ATP6V1E1: variants seen among roughly 807,000 people sequenced by gnomAD.
The protein encoded by ATP6V1E1 is V-type proton ATPase subunit E 1.
ATP6V1E1 carries 21 observed loss-of-function variants against 35.2 expected under a neutral mutation model. The ratio of observed to expected loss-of-function variants is 0.60; its 90% CI spans 0.42 to 0.86. The LOEUF (loss-of-function observed/expected upper bound fraction) is 0.86. Ranked by LOEUF, ATP6V1E1 falls within the 40% of genes least tolerant of loss-of-function variation. The probability of loss-of-function intolerance (pLI) is 0.00; values close to 1 mark genes in which losing one functional copy is unlikely to be tolerated. For missense variants in ATP6V1E1, 183 were observed against 272.6 expected, an observed-to-expected ratio of 0.67 and a Z score of 2.32; for synonymous variants, 83 against 87.8, an observed-to-expected ratio of 0.95 and a Z score of 0.30.
At position 17,618,681 on chromosome 22, in the gene ATP6V1E1, CAAAAAAA is replaced by C. The variant is rs796136446; in HGVS notation, c.99+773_99+779del. ...TGGGCGACAGAGCGAGACTCCATCT[CAAAAAAA>C]AAAAAAAAAAAAAAAAAGTAAATAA... On this transcript the variant is annotated intron_variant, in intron 2 of 8. Transcript: ENST00000253413. 1.1e-3 allele frequency among the ~76,000 whole-genome samples: 82 copies of C among 72,424 alleles called. 2 individuals are homozygous for C. The highest frequency in any genetic ancestry group is 7.2e-3 in the Middle Eastern group (1 of 138). The allele number at this position is 72,424 out of a possible 152,430, so 47.5% of individuals were successfully genotyped here.
At chr22:17,627,628 G>A (rs910798715) in intron 1 of ATP6V1E1, among the ~76,000 whole-genome samples, 1 of 150,918 alleles carries the variant, frequency 6.6e-6, no homozygotes, top group Non-Finnish European at 1.5e-5. Context: ...AGACCAGCCA[G>A]GCCAATATGG....
At chr22:17,621,422 C>T (rs567032950) in intron 1 of ATP6V1E1, among the ~76,000 whole-genome samples, 50 of 152,050 alleles carry the variant, frequency 3.3e-4, no homozygotes, top group African/African-American at 1.1e-3. Context: ...GCGATCCCCC[C>T]GTAGCTGGGA....
intron 1 of ATP6V1E1, 93 bp downstream of exon 1, chr22:17,628,510 G>A (rs1478896885): frequency 3.2e-6 from 5 of 1,551,106 alleles, no homozygotes; most frequent in Non-Finnish European, 4.4e-6. Context: ...CGGCATCTGG[G>A]CGGCTCAAGG....
At chr22:17,602,610 C>T (rs184368996) in intron 4 of ATP6V1E1, among the ~76,000 whole-genome samples, 4 of 151,684 alleles carry the variant, frequency 2.6e-5, no homozygotes, top group African/African-American at 9.7e-5. Context: ...CTCCTAACCT[C>T]GTGATCCGCC....
chr22:17,627,818 CAAAA>C (rs71201846), intron 1 of ATP6V1E1, among the ~76,000 whole-genome samples: 1 of 105,130 alleles, frequency 9.5e-6, no homozygotes. Context: ...GACTCCGTCT[CAAAA>C]AAAAAAAAAA....
At chr22:17,619,424 C>A (rs1601394032) in intron 2 of ATP6V1E1, 37 bp downstream of exon 2, 1 of 1,548,784 alleles carries the variant, frequency 6.5e-7, no homozygotes, top group Non-Finnish European at 8.8e-7. Context: ...AATATGGAAA[C>A]CTTGATAACT....
At chr22:17,605,222 A>T (rs1347189686) in intron 4 of ATP6V1E1, among the ~76,000 whole-genome samples, 3 of 134,328 alleles carry the variant, frequency 2.2e-5, no homozygotes, top group Non-Finnish European at 4.6e-5. Context: ...AAAAAAAAAA[A>T]AGAAAAGAAA....
chr22:17,617,356 C>T lies in ATP6V1E1; in HGVS notation c.99+2105G>A, dbSNP rs140285147. Among the ~76,000 whole-genome samples, 1,112 of 152,174 alleles carry T rather than the reference C, an allele frequency of 7.3e-3. 10 individuals carry two copies. Among genetic ancestry groups the T allele is most frequent in the African/African-American group, 0.025 (1,039 of 41,526 alleles). ...CCAGGCTAGATGGAGTGCAGTGGTGCGATCTCAGCTCACTGCAACCTCCAC... is the reference window on the plus strand; with the variant it reads ...CCAGGCTAGATGGAGTGCAGTGGTGTGATCTCAGCTCACTGCAACCTCCAC... On this transcript the variant is annotated intron_variant, in intron 2 of 8. Transcript: ENST00000253413.
At position 17,613,394 on chromosome 22, in the gene ATP6V1E1, C is replaced by T. The variant is rs114148844; in HGVS notation, c.100-74G>A. 294 of 1,210,718 alleles carry T rather than the reference C, an allele frequency of 2.4e-4. No individual in the cohort carries two copies. The African/African-American group carries it at 3.8e-3, about 16-fold the overall frequency. The allele number at this position is 1,210,718 out of a possible 1,614,324, so 75.0% of individuals were successfully genotyped here. On this transcript the variant is annotated intron_variant, in intron 2 of 8. Transcript: ENST00000253413. ...ACAGTTTTAAACAGCTGGTGACCTG[C>T]GTTACTTGCTTATGAACACTAATTT...
At chr22:17,605,192 TGA>T (rs1569205090) in intron 4 of ATP6V1E1, among the ~76,000 whole-genome samples, 1 of 81,774 alleles carries the variant, frequency 1.2e-5, no homozygotes, top group Non-Finnish European at 2.3e-5. Context: ...GGGACAAGAG[TGA>T]GACTTCATCT....
intron 7 of ATP6V1E1, chr22:17,597,966 C>A (rs74276486): frequency 2.0e-6 from 1 of 500,936 alleles, no homozygotes; most frequent in East Asian, 3.5e-5. Context: ...CGTGAGCCAC[C>A]GCACCTGGCC....
At chr22:17,613,533 TCAAGGGTAACAGTAACCGA>T (rs1248398278) in intron 2 of ATP6V1E1, among the ~76,000 whole-genome samples, 3 of 151,674 alleles carry the variant, frequency 2.0e-5, no homozygotes, top group African/African-American at 7.2e-5. Flanking sequence ...AAAAATTTCG[TCAAGGGTAACAGTAACCGA>T]CAAGTTACTA....
At chr22:17,601,676 C>T (rs753846410) in intron 4 of ATP6V1E1, among the ~76,000 whole-genome samples, 9 of 152,050 alleles carry the variant, frequency 5.9e-5, no homozygotes, top group Non-Finnish European at 1.0e-4. Flanking sequence ...GGTGCAATCT[C>T]GGCTCACTGC....
chr22:17,612,979 C>A, intron 3 of ATP6V1E1, 101 bp from the exon 4 acceptor site: 1 of 1,165,502 alleles, frequency 8.6e-7, no homozygotes, highest in South Asian at 1.4e-5. Flanking sequence ...TTGGCCTCCC[C>A]AAAGCACCAG....
intron 4 of ATP6V1E1, chr22:17,612,469 T>A (rs1194872422): frequency 1.0e-5 from 2 of 200,586 alleles, no homozygotes; most frequent in Non-Finnish European, 2.0e-5. Context: ...TTCCACAGCT[T>A]TCTGTTGAAA....
chr22:17,601,969 A>G (rs1184506141), intron 4 of ATP6V1E1, among the ~76,000 whole-genome samples: 2 of 152,062 alleles, frequency 1.3e-5, no homozygotes, highest in East Asian at 1.9e-4. Context: ...CAGTGATACA[A>G]TCATGGCTCT....
chr22:17,599,930 A>T, intron 6 of ATP6V1E1, 97 bp downstream of exon 6: 1 of 1,048,562 alleles, frequency 9.5e-7, no homozygotes, highest in Non-Finnish European at 1.4e-6. Context: ...CACCAAAAAA[A>T]AAAGAAAAGG....
At chr22:17,616,203 C>T (rs973893083) in intron 2 of ATP6V1E1, among the ~76,000 whole-genome samples, 4 of 151,974 alleles carry the variant, frequency 2.6e-5, no homozygotes, top group African/African-American at 9.7e-5. Context: ...AAAAATTTAG[C>T]TGGGCATGGT....
In ATP6V1E1 at chr22:17,598,236, A is replaced by G; in HGVS notation, c.488T>C (p.Val163Ala). Residue 163 changes from valine to alanine, a missense_variant, in exon 7 of 9, where the codon GTT becomes GCT. Physicochemically the swap from Val to Ala is moderately conservative, Grantham distance 64. Transcript: ENST00000253413. The stretch of plus-strand genomic sequence containing the variant: ...GGACTCCTGGTCAATTTGGACATCA[A>G]CATCGTTTTTGGTGGCAATTTTGTA... The part of the protein sequence containing the change: ...PMYKIATKND[V>A]DVQIDQESYL... 6.2e-7 allele frequency: 1 copy of G among 1,614,140 alleles called. No homozygotes were observed. Among genetic ancestry groups the G allele is most frequent in the East Asian group, 2.2e-5 (1 of 44,884 alleles).
Sources: gnomAD v4.1 joint callset for allele counts (sites outside exome capture counted in the v4.1 genomes callset) on GRCh38, gnomAD v4.1.1 for gene constraint, MANE v1.5 for transcripts, NCBI Gene and HGNC (gene_info 2026-07-23, HGNC 2026-07-21) for gene names.